Variants in C12orf42 observed in about 807,000 individuals in gnomAD.
C12orf42 encodes uncharacterized protein C12orf42.
In C12orf42, 25 loss-of-function variants were observed where a neutral mutation model predicts 21.6. The observed-to-expected ratio is 1.16, with a 90% CI of 0.84 to 1.62. The LOEUF is 1.62. Ranked by LOEUF, C12orf42 falls within the 40% of genes most tolerant of loss-of-function variation. The pLI is 0.00. For missense variants in C12orf42, 483 were observed against 459.3 expected (o/e 1.05, Z -0.47); for synonymous variants, 174 against 175.0 (o/e 0.99, Z 0.05).
chr12:103,479,007 G>T (rs1055384863), intron 1 of C12orf42, among the ~76,000 whole-genome samples: 1 of 151,850 alleles, frequency 6.6e-6, no homozygotes, highest in Admixed American at 6.6e-5. Context: ...TTGAGTTTTC[G>T]TCTTATTGCA....
chr12:103,332,586 T>C (rs2041336370), intron 4 of C12orf42, among the ~76,000 whole-genome samples: 1 of 152,254 alleles, frequency 6.6e-6, no homozygotes, highest in South Asian at 2.1e-4. Context: ...AGCTTGTCTA[T>C]CTCCAGATCA....
At chr12:103,075,644 T>C in the C12orf42 span, among the ~76,000 whole-genome samples, 1 of 152,324 alleles carries the variant, frequency 6.6e-6, no homozygotes, top group Non-Finnish European at 1.5e-5. Flanking sequence ...TGGAATTGTA[T>C]TTCTAAGTCT....
chr12:103,068,910 T>C, the C12orf42 span, among the ~76,000 whole-genome samples: 2 of 126,804 alleles, frequency 1.6e-5, no homozygotes, highest in African/African-American at 5.8e-5. Flanking sequence ...TAGATAGATA[T>C]AGATATATAT....
At chr12:103,447,029 G>C (rs565818692) in intron 2 of C12orf42, among the ~76,000 whole-genome samples, 1 of 152,086 alleles carries the variant, frequency 6.6e-6, no homozygotes, top group African/African-American at 2.4e-5. Context: ...GATATTTGCA[G>C]AACATTCTAT....
the C12orf42 span, among the ~76,000 whole-genome samples, chr12:103,095,080 A>T: frequency 6.6e-6 from 1 of 151,970 alleles, no homozygotes; most frequent in African/African-American, 2.4e-5. Flanking sequence ...GTTTCTTACC[A>T]CCTCTGCTGC....
At chr12:103,510,483 A>T in the C12orf42 span, among the ~76,000 whole-genome samples, 4 of 152,260 alleles carry the variant, frequency 2.6e-5, no homozygotes, top group Admixed American at 1.3e-4. Flanking sequence ...ACCAAATACA[A>T]CCTGTTCCCC....
At chr12:103,071,543 G>A in the C12orf42 span, among the ~76,000 whole-genome samples, 10 of 152,098 alleles carry the variant, frequency 6.6e-5, no homozygotes, top group African/African-American at 1.2e-4. Flanking sequence ...CATGTGTCAA[G>A]GGTGGGGCCA....
chr12:103,064,071 A>C, the C12orf42 span, among the ~76,000 whole-genome samples: 2 of 152,202 alleles, frequency 1.3e-5, no homozygotes, highest in African/African-American at 4.8e-5. Context: ...AAAGGATCCA[A>C]AGGCTTAGGG....
intron 2 of C12orf42, among the ~76,000 whole-genome samples, chr12:103,460,564 A>G (rs1952631178): frequency 6.6e-6 from 1 of 152,126 alleles, no homozygotes; most frequent in Non-Finnish European, 1.5e-5. Flanking sequence ...TTTCTGTGCA[A>G]TGGGACCTGC....
At chr12:103,259,053 T>C (rs1284238028) in intron 10 of C12orf42, among the ~76,000 whole-genome samples, 3 of 152,180 alleles carry the variant, frequency 2.0e-5, no homozygotes, top group Non-Finnish European at 2.9e-5. Flanking sequence ...TTAAGATAAG[T>C]TGTTCTTGGT....
chr12:103,257,789 G>A (rs182748450), intron 10 of C12orf42, among the ~76,000 whole-genome samples: 485 of 151,162 alleles, frequency 3.2e-3, no homozygotes, highest in Non-Finnish European at 4.9e-3. Flanking sequence ...AGCAAGAAGA[G>A]AACAAAATTA....
intron 4 of C12orf42, among the ~76,000 whole-genome samples, chr12:103,344,888 T>C (rs1486485923): frequency 1.3e-5 from 2 of 152,092 alleles, no homozygotes; most frequent in Non-Finnish European, 2.9e-5. Context: ...CTGGGAGAAG[T>C]GACATGGTTC....
chr12:103,081,257 T>C, the C12orf42 span: 2 of 152,228 alleles, frequency 1.3e-5, no homozygotes, highest in African/African-American at 4.8e-5. Flanking sequence ...TCTCTCCAAG[T>C]AGTATAAAAC....
intron 2 of C12orf42, among the ~76,000 whole-genome samples, chr12:103,464,589 T>A (rs1327461168): frequency 6.6e-6 from 1 of 152,324 alleles, no homozygotes; most frequent in African/African-American, 2.4e-5. Context: ...ATTTGTCAAT[T>A]TTTGCTTTTG....
intron 4 of C12orf42, among the ~76,000 whole-genome samples, chr12:103,278,711 A>T (rs1028356782): frequency 1.3e-5 from 2 of 152,212 alleles, no homozygotes; most frequent in Admixed American, 6.5e-5. Context: ...CAACGTGGAC[A>T]TTTCACTGGG....
At chr12:103,273,935 T>C (rs2035614730) in intron 5 of C12orf42, 1 of 455,962 alleles carries the variant, frequency 2.2e-6, no homozygotes, top group Non-Finnish European at 4.4e-6. Flanking sequence ...TTTCGCATAC[T>C]CACAGTAAGT....
the C12orf42 span, among the ~76,000 whole-genome samples, chr12:103,175,022 C>G: frequency 2.0e-4 from 30 of 152,254 alleles, no homozygotes; most frequent in Admixed American, 1.2e-3. Flanking sequence ...AATAAAAATA[C>G]TAATTACTGA....
At chr12:103,164,711 G>A in the C12orf42 span, 42 of 455,168 alleles carry the variant, frequency 9.2e-5, no homozygotes, top group Middle Eastern at 1.6e-3. Flanking sequence ...CTTGGAGAGC[G>A]GAAACCATGA....
At chr12:103,229,901 C>G in the C12orf42 span, among the ~76,000 whole-genome samples, 1 of 152,156 alleles carries the variant, frequency 6.6e-6, no homozygotes, top group Non-Finnish European at 1.5e-5. Flanking sequence ...TGGGAAATGT[C>G]AAGAAGCCAC....
Sources: allele counts gnomAD v4.1 joint callset (sites outside exome capture counted in the v4.1 genomes callset), GRCh38; gene constraint gnomAD v4.1.1; transcripts MANE v1.5; gene names NCBI Gene and HGNC (gene_info 2026-07-23, HGNC 2026-07-21).